Variants in MCM9 observed in about 807,000 individuals in gnomAD.
MCM9 encodes the protein minichromosome maintenance 9 homologous recombination repair factor, also known as DNA helicase MCM9.
MCM9 carries 55 observed loss-of-function variants against 72.8 expected under a neutral mutation model. That is an observed-to-expected ratio of 0.76 (90% CI 0.61 to 0.95). MCM9 has a LOEUF of 0.95. Ranked by LOEUF, MCM9 falls within the 40% of genes least tolerant of loss-of-function variation. The pLI, the probability that MCM9 is intolerant of heterozygous loss-of-function variation, is 0.00. For missense variants in MCM9, 1,279 were observed against 1,377.0 expected, an observed-to-expected ratio of 0.93 and a Z score of 1.13; for synonymous variants, 480 against 503.4, an observed-to-expected ratio of 0.95 and a Z score of 0.62.
At position 118,922,098 on chromosome 6, in the gene MCM9, AAG is replaced by A. The variant is rs762239898; in HGVS notation, c.622-14_622-13del. On this transcript the variant is annotated splice_polypyrimidine_tract_variant and intron_variant, in intron 4 of 13. Transcript: ENST00000619706. ...GATAGCCTTTGAACCTAGCAAAGAA[AAG>A]AAAACAGATTCTGAGTATGCTTAAA... 4.4e-6 allele frequency: 7 copies of A among 1,596,570 alleles called. No homozygotes were observed. In the East Asian group the frequency reaches 1.6e-4, roughly 36 times the overall value.
chr6:118,932,516 T>C lies in MCM9; in HGVS notation c.-16+91A>G, dbSNP rs56166183. ...GTCCTGGTTCTAGCTTTTGTTTATA[T>C]GAACACAGTGTCATTCTTTCGTGTG... is the stretch of plus-strand genomic sequence containing the variant. On this transcript the variant is annotated intron_variant, in intron 2 of 13. Transcript: ENST00000619706. 7,117 of 763,582 alleles carry C rather than the reference T, an allele frequency of 9.3e-3. 42 individuals carry two copies. Among genetic ancestry groups the C allele is most frequent in the South Asian group, 0.029 (481 of 16,876 alleles). 47.3% of individuals were successfully genotyped at this position (763,582 alleles called of 1,614,324 possible).
chr6:118,893,533 GCA>G (rs1050013621), intron 8 of MCM9, among the ~76,000 whole-genome samples: 8 of 152,114 alleles, frequency 5.3e-5, no homozygotes, highest in African/African-American at 1.7e-4. Flanking sequence ...AATTTTCCAA[GCA>G]CAGTGTGTAG....
At chr6:118,816,970 G>A (rs1170913884) in intron 13 of MCM9, among the ~76,000 whole-genome samples, 2 of 151,946 alleles carry the variant, frequency 1.3e-5, no homozygotes, top group Non-Finnish European at 2.9e-5. Flanking sequence ...ATATTTACTG[G>A]GCAGCTACTC....
Position 118,869,599 on chromosome 6 carries a change from C to CAAAAA in MCM9, c.1151-13059_1151-13055dup. ...AGAGGAAAAAGAAACAAAGGATTTA[C>CAAAAA]AAAAAAAAAAAAAAAAAAAAGAAGC... On this transcript the variant is annotated intron_variant, in intron 8 of 13. Coordinates refer to ENST00000619706, the MANE Select transcript of MCM9 (RefSeq NM_017696.3). Among the ~76,000 whole-genome samples, 198 of 58,292 alleles carry CAAAAA rather than the reference C, an allele frequency of 3.4e-3. 10 individuals are homozygous for CAAAAA. The highest frequency in any genetic ancestry group is 6.1e-3 in the Admixed American group (27 of 4,412). The allele number at this position is 58,292 out of a possible 152,430, so 38.2% of individuals were successfully genotyped here.
At chr6:118,870,460 A>G (rs1428662658) in intron 8 of MCM9, among the ~76,000 whole-genome samples, 2 of 152,106 alleles carry the variant, frequency 1.3e-5, no homozygotes, top group Non-Finnish European at 2.9e-5. Flanking sequence ...AAAACACAAC[A>G]TGACAAAACT....
At chr6:118,902,209 G>A (rs1342043317) in intron 8 of MCM9, among the ~76,000 whole-genome samples, 2 of 152,144 alleles carry the variant, frequency 1.3e-5, no homozygotes, top group Non-Finnish European at 2.9e-5. Context: ...TATAGATATA[G>A]GTCAAATCCC....
At chr6:118,831,100 AAAGCTT>A (rs1304274217) in intron 9 of MCM9, among the ~76,000 whole-genome samples, 1 of 152,170 alleles carries the variant, frequency 6.6e-6, no homozygotes, top group Non-Finnish European at 1.5e-5. Context: ...TTCCATTAGA[AAAGCTT>A]AAGCTTAAGA....
At chr6:118,865,209 C>T (rs1048334723) in intron 8 of MCM9, among the ~76,000 whole-genome samples, 1 of 151,832 alleles carries the variant, frequency 6.6e-6, no homozygotes, top group Non-Finnish European at 1.5e-5. Flanking sequence ...ATCTGCACCA[C>T]AGAAAAAAGT....
At chr6:118,891,839 TCCC>T (rs1778965755) in intron 8 of MCM9, among the ~76,000 whole-genome samples, 1 of 152,136 alleles carries the variant, frequency 6.6e-6, no homozygotes, top group Non-Finnish European at 1.5e-5. Flanking sequence ...CAGCCATCCT[TCCC>T]CCAAGTAACC....
In MCM9 at chr6:118,924,027, C is replaced by T; in HGVS notation, c.405G>A (p.Leu135=). The T allele has an allele frequency of 6.2e-7, 1 of 1,614,180 alleles. No individual in the cohort carries two copies. The highest frequency in any genetic ancestry group is 1.3e-5 in the African/African-American group (1 of 75,032). The stretch of plus-strand genomic sequence containing the variant: ...CCCGCTCAAACTCCAGAACCTTCAC[C>T]AGACTTGTTCGAATCACTGTCCCAG... The part of the protein sequence containing the change: ...SVTGTVIRTS[L]VKVLEFERDY... Residue 135 remains leucine, a synonymous_variant, in exon 4 of 14, where the codon CTG becomes CTA. Transcript: ENST00000619706.
chr6:118,876,025 C>G (rs571572954), intron 8 of MCM9, among the ~76,000 whole-genome samples: 1 of 152,092 alleles, frequency 6.6e-6, no homozygotes, highest in Non-Finnish European at 1.5e-5. Context: ...ATACATCAGA[C>G]AATAAAATAT....
chr6:118,861,318 G>A (rs1007397185), intron 8 of MCM9, among the ~76,000 whole-genome samples: 3 of 152,204 alleles, frequency 2.0e-5, no homozygotes, highest in Non-Finnish European at 4.4e-5. Flanking sequence ...GGCTCAGGGA[G>A]CCCCAATGTT....
intron 5 of MCM9, chr6:118,920,358 A>T (rs1422389369): frequency 6.6e-6 from 1 of 152,268 alleles, no homozygotes; most frequent in East Asian, 1.9e-4. Context: ...CAGAATCCGA[A>T]GACACTGGCA....
rs374274800 is a variant in MCM9, at chr6:118,923,799, G to A, written c.621+12C>T. On this transcript the variant is annotated intron_variant, in intron 4 of 13. Transcript: ENST00000619706. ...CTTCAAATTTATTTATCTCGTTTAT[G>A]TGATTATTTACCTGTTCCTGAATTT... 2.3e-5 allele frequency: 37 copies of A among 1,607,292 alleles called. No individual in the cohort carries two copies. Among genetic ancestry groups the A allele is most frequent in the Non-Finnish European group, 3.1e-5 (36 of 1,174,558 alleles).
intron 13 of MCM9, among the ~76,000 whole-genome samples, chr6:118,820,654 T>C (rs1299445817): frequency 6.6e-6 from 1 of 152,188 alleles, no homozygotes; most frequent in Non-Finnish European, 1.5e-5. Context: ...TGTCTACAGC[T>C]GAGTTCAAGT....
intron 8 of MCM9, chr6:118,901,039 G>A: frequency 1.7e-6 from 1 of 575,252 alleles, no homozygotes; most frequent in Non-Finnish European, 3.1e-6. Context: ...GGCAGTCTCT[G>A]TGTCACAGAG....
At chr6:118,916,881 T>C (rs1781008825) in intron 6 of MCM9, among the ~76,000 whole-genome samples, 1 of 152,208 alleles carries the variant, frequency 6.6e-6, no homozygotes, top group African/African-American at 2.4e-5. Context: ...CTCTTAGATT[T>C]GAGGGGAGTG....
Position 118,889,875 on chromosome 6 carries a change from C to T in MCM9, c.1150+21775G>A, listed in dbSNP as rs138867495. ...AGATATAGCTTATACCTTCAACAAA[C>T]TTCTAACACAATGATGGGTAGAAAA... On this transcript the variant is annotated intron_variant, in intron 8 of 13. Coordinates refer to ENST00000619706, the MANE Select transcript of MCM9 (RefSeq NM_017696.3). 7.5e-3 allele frequency among the ~76,000 whole-genome samples: 1,149 copies of T among 152,300 alleles called. 8 individuals carry two copies. The highest frequency in any genetic ancestry group is 0.028 in the South Asian group (137 of 4,824).
chr6:118,893,994 C>T lies in MCM9; in HGVS notation c.1150+17656G>A, dbSNP rs932592045. 6.6e-5 allele frequency: 65 copies of T among 984,728 alleles called. No individual in the cohort carries two copies. In the African/African-American group the frequency reaches 1.1e-3, roughly 17 times the overall value. The allele number at this position is 984,728 out of a possible 1,614,324, so 61.0% of individuals were successfully genotyped here. A position where few individuals can be genotyped will look rare whatever the true frequency, so the allele number is the denominator to read the frequency against. On this transcript the variant is annotated intron_variant, in intron 8 of 13. Transcript: ENST00000619706. Reference sequence around the variant, plus strand: ...CTCTCCGCGCCGCCGCCGGCGGCCTCCGCGCGGGCCTCCCAGCCCTTATTC... The same window carrying T: ...CTCTCCGCGCCGCCGCCGGCGGCCTTCGCGCGGGCCTCCCAGCCCTTATTC...
Sources: allele counts gnomAD v4.1 joint callset (sites outside exome capture counted in the v4.1 genomes callset), GRCh38; gene constraint gnomAD v4.1.1; transcripts MANE v1.5; gene names NCBI Gene and HGNC (gene_info 2026-07-23, HGNC 2026-07-21).